The following RARB variants were observed in gnomAD, a reference collection of about 807,000 sequenced individuals.
RARB encodes the protein retinoic acid receptor beta, also known as HBV-activated protein.
RARB carries 17 observed loss-of-function variants against 51.9 expected under a neutral mutation model. The observed-to-expected ratio is 0.33, with a 90% CI of 0.22 to 0.49. The LOEUF (loss-of-function observed/expected upper bound fraction) is 0.49, where lower values mean the gene tolerates loss of function less well. Ranked by LOEUF, RARB falls within the 20% of genes least tolerant of loss-of-function variation. The probability of loss-of-function intolerance (pLI) is 0.99; values close to 1 mark genes in which losing one functional copy is unlikely to be tolerated. For synonymous variants in RARB, 215 were observed against 195.4 expected, an observed-to-expected ratio of 1.10 and a Z score of -0.84; for missense variants, 369 against 550.8, an observed-to-expected ratio of 0.67 and a Z score of 3.30.
intron 5 of RARB, among the ~76,000 whole-genome samples, chr3:25,418,957 A>AT (rs61691315): frequency 2.0e-5 from 3 of 151,734 alleles, no homozygotes; most frequent in African/African-American, 7.2e-5. Flanking sequence ...AAAAAAAAAA[A>AT]GGCATATAAA....
At chr3:25,359,296 A>G (rs1245172430) in intron 5 of RARB, among the ~76,000 whole-genome samples, 2 of 151,904 alleles carry the variant, frequency 1.3e-5, no homozygotes, top group African/African-American at 2.4e-5. Flanking sequence ...CACTGATGGT[A>G]GTTTGTATTT....
At chr3:25,373,159 C>G (rs931123328) in intron 5 of RARB, among the ~76,000 whole-genome samples, 1 of 152,114 alleles carries the variant, frequency 6.6e-6, no homozygotes, top group African/African-American at 2.4e-5. Flanking sequence ...ATACAGAAGT[C>G]TAGAGTTGAG....
At chr3:25,546,371 G>C (rs1699617235) in intron 3 of RARB, among the ~76,000 whole-genome samples, 1 of 152,206 alleles carries the variant, frequency 6.6e-6, no homozygotes, top group Admixed American at 6.5e-5. Context: ...GGGCAGGGCA[G>C]AGGCAGAGAG....
chr3:25,300,308 T>C (rs1191877205), intron 5 of RARB, among the ~76,000 whole-genome samples: 1 of 152,262 alleles, frequency 6.6e-6, no homozygotes, highest in Admixed American at 6.5e-5. Flanking sequence ...TGGCACACTG[T>C]CTAGATCATG....
chr3:25,197,490 G>A (rs763794492), intron 5 of RARB, among the ~76,000 whole-genome samples: 1 of 151,798 alleles, frequency 6.6e-6, no homozygotes, highest in Non-Finnish European at 1.5e-5. Flanking sequence ...AATTGAAGGA[G>A]GAAGTCAATG....
chr3:25,563,456 C>T (rs1700355804), intron 3 of RARB, among the ~76,000 whole-genome samples: 1 of 152,158 alleles, frequency 6.6e-6, no homozygotes, highest in Non-Finnish European at 1.5e-5. Context: ...ATGGCAGGCA[C>T]TTTATTAGGA....
At chr3:24,865,086 C>T (rs556328875) in intron 2 of RARB, among the ~76,000 whole-genome samples, 1 of 152,260 alleles carries the variant, frequency 6.6e-6, no homozygotes, top group African/African-American at 2.4e-5. Context: ...TATTATATGA[C>T]AAGTTCTGAG....
chr3:25,208,993 A>C (rs1421830777), intron 5 of RARB, among the ~76,000 whole-genome samples: 1 of 152,230 alleles, frequency 6.6e-6, no homozygotes, highest in Non-Finnish European at 1.5e-5. Context: ...TTGCAAACAA[A>C]CATGAAGCAT....
At chr3:25,033,801 C>T (rs150557990) in intron 2 of RARB, among the ~76,000 whole-genome samples, 2 of 152,316 alleles carry the variant, frequency 1.3e-5, no homozygotes, top group East Asian at 3.9e-4. Flanking sequence ...CAAGTTGGCA[C>T]AGTAGAAAAT....
In RARB at chr3:25,225,894, T is replaced by C. The variant is rs187880014; in HGVS notation, c.178+51319T>C. Among the ~76,000 whole-genome samples the C allele has an allele frequency of 1.5e-3, 224 of 152,288 alleles. 3 individuals carry two copies. Among genetic ancestry groups the C allele is most frequent in the Non-Finnish European group, 2.2e-4 (15 of 68,014 alleles). On this transcript the variant is annotated intron_variant, in intron 5 of 11. Transcript: ENST00000383772. ...AATTCACCCAACAACCTTGCACCCA[T>C]TACAGATTTTTGCGTTGCAAAGTTT...
At chr3:25,031,858 A>C (rs1393849754) in intron 2 of RARB, among the ~76,000 whole-genome samples, 1 of 152,228 alleles carries the variant, frequency 6.6e-6, no homozygotes, top group Non-Finnish European at 1.5e-5. Context: ...TTAGTACTTA[A>C]ACTAAAAAGA....
At chr3:25,521,083 T>G (rs1698381910) in intron 3 of RARB, among the ~76,000 whole-genome samples, 1 of 152,184 alleles carries the variant, frequency 6.6e-6, no homozygotes, top group Non-Finnish European at 1.5e-5. Flanking sequence ...GTGGTTAATT[T>G]TATTAACTCA....
chr3:25,471,059 T>G (rs1196331733), intron 2 of RARB, among the ~76,000 whole-genome samples: 1 of 152,232 alleles, frequency 6.6e-6, no homozygotes, highest in African/African-American at 2.4e-5. Flanking sequence ...GCAAATAGTA[T>G]ATTACTTTCA....
chr3:25,229,534 C>T (rs933152325), intron 5 of RARB, among the ~76,000 whole-genome samples: 1 of 152,060 alleles, frequency 6.6e-6, no homozygotes, highest in Non-Finnish European at 1.5e-5. Flanking sequence ...AAGCATTCTA[C>T]CCCAACTGGG....
chr3:25,185,374 G>A (rs1439231587), intron 5 of RARB, among the ~76,000 whole-genome samples: 3 of 152,000 alleles, frequency 2.0e-5, no homozygotes, highest in Non-Finnish European at 2.9e-5. Flanking sequence ...TAGGACCTGC[G>A]GGGTCTGCAT....
At chr3:25,129,087 G>T (rs1699906133) in intron 3 of RARB, among the ~76,000 whole-genome samples, 2 of 151,964 alleles carry the variant, frequency 1.3e-5, no homozygotes, top group African/African-American at 2.4e-5. Context: ...CAGTAAATAA[G>T]AATTTTATGT....
intron 5 of RARB, among the ~76,000 whole-genome samples, chr3:25,326,087 T>G (rs533940648): frequency 6.6e-6 from 1 of 152,296 alleles, no homozygotes; most frequent in Non-Finnish European, 1.5e-5. Flanking sequence ...AGTGTGTTCT[T>G]CCCTGCTTAT....
At chr3:25,522,015 T>C (rs1055881276) in intron 3 of RARB, among the ~76,000 whole-genome samples, 5 of 152,016 alleles carry the variant, frequency 3.3e-5, no homozygotes, top group African/African-American at 1.2e-4. Context: ...CCTTTTTATA[T>C]GGGGATCTCT....
intron 5 of RARB, among the ~76,000 whole-genome samples, chr3:25,182,243 T>C (rs1383768424): frequency 6.6e-6 from 1 of 152,106 alleles, no homozygotes; most frequent in Non-Finnish European, 1.5e-5. Flanking sequence ...CAGTGTGAAA[T>C]AAACTGACTA....
Sources: allele counts gnomAD v4.1 joint callset (sites outside exome capture counted in the v4.1 genomes callset), GRCh38; gene constraint gnomAD v4.1.1; transcripts MANE v1.5; gene names NCBI Gene and HGNC (gene_info 2026-07-23, HGNC 2026-07-21).